The following RPTOR variants were observed in gnomAD, a reference collection of about 807,000 sequenced individuals.
The protein encoded by RPTOR is regulatory-associated protein of mTOR.
A neutral mutation model predicts 169.9 loss-of-function variants in RPTOR; 21 were observed. The ratio of observed to expected loss-of-function variants is 0.12; its 90% CI spans 0.09 to 0.18. The LOEUF (loss-of-function observed/expected upper bound fraction) is 0.18. Among genes scored for constraint, RPTOR ranks in the 10% least tolerant of loss-of-function variants. RPTOR has a pLI of 1.00. For synonymous variants in RPTOR, 732 were observed against 753.2 expected (o/e 0.97, Z 0.46); for missense variants, 1,133 against 1,855.9 (o/e 0.61, Z 7.16).
At chr17:80,577,151 C>A (rs2064971342) in intron 1 of RPTOR, among the ~76,000 whole-genome samples, 2 of 151,722 alleles carry the variant, frequency 1.3e-5, no homozygotes, top group African/African-American at 4.8e-5. Flanking sequence ...CCAGCCTCAT[C>A]CTCCCAAGTA....
In RPTOR at chr17:80,726,669, G is replaced by A. The variant is rs2066337887; in HGVS notation, c.508-3891G>A. On this transcript the variant is annotated intron_variant, in intron 4 of 33. Transcript: ENST00000306801. The surrounding 1 kb of genome is among the most constrained non-coding windows in gnomAD (Gnocchi z 4.5). ...CCCGTTTCACTGATGGTGGCGCAGA[G>A]GACGTTGTGAGGTGGCTGTAGGGTC... Among the ~76,000 whole-genome samples, 1 of 152,198 alleles carries A rather than the reference G, an allele frequency of 6.6e-6. No homozygotes were observed. The highest frequency in any genetic ancestry group is 1.5e-5 in the Non-Finnish European group (1 of 68,028).
chr17:80,863,845 G>A (rs562661189), intron 13 of RPTOR, among the ~76,000 whole-genome samples: 9 of 152,308 alleles, frequency 5.9e-5, no homozygotes, highest in South Asian at 2.1e-4. Context: ...GCTTGAGCCC[G>A]GGAGGTCGAG....
intron 3 of RPTOR, among the ~76,000 whole-genome samples, chr17:80,667,604 TAGTA>T (rs1216326367): frequency 2.0e-5 from 3 of 152,228 alleles, no homozygotes; most frequent in Non-Finnish European, 4.4e-5. Context: ...TCATAGCAAA[TAGTA>T]AGCCCTTCGC....
chr17:80,693,771 G>A (rs556151555), intron 3 of RPTOR, among the ~76,000 whole-genome samples: 3 of 152,212 alleles, frequency 2.0e-5, no homozygotes, highest in Non-Finnish European at 2.9e-5. Flanking sequence ...GGGAAACAGC[G>A]TTTTGCCAGG....
At chr17:80,837,802 G>A (rs966654792) in intron 9 of RPTOR, 120 bp from the exon 10 acceptor site, 28 of 893,762 alleles carry the variant, frequency 3.1e-5, no homozygotes, top group Admixed American at 6.0e-5. Context: ...ACCAGCTGCC[G>A]TGGCCTCCGC....
intron 13 of RPTOR, among the ~76,000 whole-genome samples, chr17:80,872,285 G>C (rs1454929321): frequency 6.6e-6 from 1 of 152,250 alleles, no homozygotes; most frequent in Non-Finnish European, 1.5e-5. Context: ...CTGCTGTGCA[G>C]AATGGCCTCT....
rs1395411556 is a variant in RPTOR at position 80,803,878 on chromosome 17, C to T, written c.890+12369C>T. On this transcript the variant is annotated intron_variant, in intron 7 of 33. Transcript: ENST00000306801. This position sits in a 1 kb window ranked among gnomAD's most constrained non-coding sequence, Gnocchi z 6.2. ...TGAAGAGGCAACACTGGAACTGAGA[C>T]CACCTGGCCAGACGGGAGCAGCCAT... 7 of 152,272 alleles carry T rather than the reference C, an allele frequency of 4.6e-5. No individual in the cohort carries two copies. Among genetic ancestry groups the T allele is most frequent in the African/African-American group, 1.7e-4 (7 of 41,450 alleles). 9.4% of individuals were successfully genotyped at this position (152,272 alleles called of 1,614,324 possible). A position where few individuals can be genotyped will look rare whatever the true frequency, so the allele number is the denominator to read the frequency against.
chr17:80,804,433 GA>G (rs1567920826), intron 7 of RPTOR: 1 of 152,232 alleles, frequency 6.6e-6, no homozygotes, highest in East Asian at 1.9e-4. Context: ...GTGCCTCCCC[GA>G]AATATGAAGA....
intron 1 of RPTOR, among the ~76,000 whole-genome samples, chr17:80,571,286 G>A (rs1212087149): frequency 1.3e-5 from 2 of 152,116 alleles, no homozygotes; most frequent in Non-Finnish European, 2.9e-5. Flanking sequence ...TGTTTAAGAA[G>A]GTCCTTTCTA....
chr17:80,559,154 C>T (rs943644109), intron 1 of RPTOR, among the ~76,000 whole-genome samples: 1 of 152,170 alleles, frequency 6.6e-6, no homozygotes, highest in African/African-American at 2.4e-5. Context: ...AATGTTTTGG[C>T]CTTGCATGTA....
chr17:80,695,455 G>A lies in RPTOR; in HGVS notation c.349-12386G>A, dbSNP rs979257661. Among the ~76,000 whole-genome samples, 2 of 152,312 alleles carry A rather than the reference G, an allele frequency of 1.3e-5. No individual in the cohort carries two copies. The highest frequency in any genetic ancestry group is 4.1e-4 in the South Asian group (2 of 4,826). ...GGACCTGTGCTCTCTCCCTGTAACAGTGGCCTCTGTTACAGAGGGGCAGGT... is the reference window on the plus strand; with the variant it reads ...GGACCTGTGCTCTCTCCCTGTAACAATGGCCTCTGTTACAGAGGGGCAGGT... On this transcript the variant is annotated intron_variant, in intron 3 of 33. Coordinates refer to ENST00000306801, the MANE Select transcript of RPTOR (RefSeq NM_020761.3). This position sits in a 1 kb window ranked among gnomAD's most constrained non-coding sequence, Gnocchi z 4.9.
At chr17:80,625,852 C>T (rs941221382) in intron 2 of RPTOR, 59 bp downstream of exon 2, 36 of 1,238,840 alleles carry the variant, frequency 2.9e-5, no homozygotes, top group African/African-American at 1.0e-4. Flanking sequence ...CTGGCCTGGG[C>T]GGGGCTCGCC....
chr17:80,708,898 C>T lies in RPTOR; in HGVS notation c.507+899C>T. The T allele has an allele frequency of 1.0e-6, 1 of 984,596 alleles. No individual in the cohort carries two copies. Among genetic ancestry groups the T allele is most frequent in the Non-Finnish European group, 1.2e-6 (1 of 828,868 alleles). The allele number at this position is 984,596 out of a possible 1,614,324, so 61.0% of individuals were successfully genotyped here. On this transcript the variant is annotated intron_variant, in intron 4 of 33. Coordinates refer to ENST00000306801, the MANE Select transcript of RPTOR (RefSeq NM_020761.3). This position sits in a 1 kb window ranked among gnomAD's most constrained non-coding sequence, Gnocchi z 4.2. ...TCGGTTGTGCTGTCAGCCTCCTGGG[C>T]TTCTGCTTCCTTAGTGTGGACACCG...
chr17:80,809,583 T>C (rs1185405042), intron 7 of RPTOR, among the ~76,000 whole-genome samples: 1 of 152,256 alleles, frequency 6.6e-6, no homozygotes, highest in East Asian at 1.9e-4. Flanking sequence ...CTATTGGCCA[T>C]TAATTTATAT....
intron 3 of RPTOR, among the ~76,000 whole-genome samples, chr17:80,658,588 A>C (rs1405811505): frequency 6.6e-6 from 1 of 151,994 alleles, no homozygotes; most frequent in African/African-American, 2.4e-5. Flanking sequence ...TGCTCCTTGA[A>C]CCTGTGGCTT....
intron 6 of RPTOR, among the ~76,000 whole-genome samples, chr17:80,776,807 A>G (rs2066896115): frequency 1.3e-5 from 2 of 152,246 alleles, no homozygotes; most frequent in East Asian, 1.9e-4. Context: ...CCAGTATTAC[A>G]AGGCCAGAGA....
At chr17:80,719,157 TAC>T (rs1206691782) in intron 4 of RPTOR, among the ~76,000 whole-genome samples, 1 of 151,894 alleles carries the variant, frequency 6.6e-6, no homozygotes, top group Non-Finnish European at 1.5e-5. Flanking sequence ...GTTCCCAAAA[TAC>T]AGTTTCTAGA....
intron 7 of RPTOR, among the ~76,000 whole-genome samples, chr17:80,819,803 T>A (rs1226344460): frequency 6.6e-6 from 1 of 152,190 alleles, no homozygotes; most frequent in Admixed American, 6.5e-5. Flanking sequence ...AGTGATGCAG[T>A]ATCAGTCACT....
intron 3 of RPTOR, among the ~76,000 whole-genome samples, chr17:80,679,586 G>T (rs1232846586): frequency 6.6e-6 from 1 of 151,680 alleles, no homozygotes; most frequent in Non-Finnish European, 1.5e-5. Flanking sequence ...CTTATTTTTT[G>T]AGCCTGCAAA....
Sources: gnomAD v4.1 joint callset for allele counts (sites outside exome capture counted in the v4.1 genomes callset) on GRCh38, gnomAD v4.1.1 for gene constraint, Gnocchi (gnomAD v3.1) non-coding constraint, MANE v1.5 for transcripts, NCBI Gene and HGNC (gene_info 2026-07-23, HGNC 2026-07-21) for gene names.